The following HOXD3 variants were observed in gnomAD, a reference collection of about 807,000 sequenced individuals.
The protein encoded by HOXD3 is homeobox D3.
In HOXD3, 13 loss-of-function variants were observed where a neutral mutation model predicts 32.8. That is an observed-to-expected ratio of 0.40 (90% CI 0.26 to 0.63). HOXD3 has a LOEUF of 0.63. HOXD3 is among the 20% of genes least tolerant of loss of function. The probability of loss-of-function intolerance (pLI) is 0.44; values close to 1 mark genes in which losing one functional copy is unlikely to be tolerated. For synonymous variants in HOXD3, 241 were observed against 246.8 expected (o/e 0.98, Z 0.22); for missense variants, 504 against 577.1 (o/e 0.87, Z 1.30).
At chr2:176,153,137 G>T (rs540913179), upstream of HOXD3, 48 of 516,726 alleles carry the variant, frequency 9.3e-5, no homozygotes, top group African/African-American at 3.1e-4. Flanking sequence ...GGGATGGGAG[G>T]GGGGGCGGGA....
chr2:176,171,341 G>A (rs1054802908), intron 3 of HOXD3, among the ~76,000 whole-genome samples, 176 bp from the exon 4 acceptor site: 2 of 152,214 alleles, frequency 1.3e-5, no homozygotes, highest in Non-Finnish European at 2.9e-5. Flanking sequence ...TAGGGGGTTG[G>A]TAGGTAGGTG....
At chr2:176,162,136 G>GAGCA (rs1690828389) in intron 1 of HOXD3, among the ~76,000 whole-genome samples, 1 of 152,244 alleles carries the variant, frequency 6.6e-6, no homozygotes, top group African/African-American at 2.4e-5. Flanking sequence ...CATCATAAGA[G>GAGCA]AGCAGTAAAG....
upstream of HOXD3, chr2:176,153,117 GAGC>G: frequency 7.4e-6 from 3 of 404,340 alleles, no homozygotes; most frequent in East Asian, 5.5e-5. Context: ...CCCCTCCCTA[GAGC>G]GGGATGGGGA....
At position 176,172,396 on chromosome 2, in the gene HOXD3, C is replaced by G. The variant is rs1051902306; in HGVS notation, c.*122C>G. Reference sequence around the variant, plus strand: ...CCCCGCTCTTGCCCTGCCGCCGCCTCCCGGGTCTCAGGCCTCCAGCGGCGG... The same window carrying G: ...CCCCGCTCTTGCCCTGCCGCCGCCTGCCGGGTCTCAGGCCTCCAGCGGCGG... On this transcript the variant is annotated 3_prime_UTR_variant, in exon 4 of 4. Transcript: ENST00000683222. The G allele has an allele frequency of 4.5e-5, 46 of 1,031,516 alleles. No homozygotes were observed. The highest frequency in any genetic ancestry group is 5.6e-5 in the Non-Finnish European group (41 of 734,542). 63.9% of individuals were successfully genotyped at this position (1,031,516 alleles called of 1,614,324 possible).
intron 1 of HOXD3, among the ~76,000 whole-genome samples, chr2:176,162,304 A>G (rs1690834042): frequency 6.6e-6 from 1 of 152,220 alleles, no homozygotes; most frequent in African/African-American, 2.4e-5. Context: ...GCATTCACTT[A>G]TAACTTCCCC....
intron 2 of HOXD3, among the ~76,000 whole-genome samples, chr2:176,168,565 C>CTAAAACAAAA (rs1691063410): frequency 2.2e-5 from 1 of 45,240 alleles, no homozygotes; most frequent in African/African-American, 2.0e-4. Context: ...AAAATTCCAT[C>CTAAAACAAAA]TAAAACAAAA....
At chr2:176,155,366 C>T (rs1690622480), upstream of HOXD3, among the ~76,000 whole-genome samples, 1 of 152,222 alleles carries the variant, frequency 6.6e-6, no homozygotes, top group Non-Finnish European at 1.5e-5. Flanking sequence ...ATCCCTGCCC[C>T]AGAGGAAAGC....
intron 3 of HOXD3, among the ~76,000 whole-genome samples, chr2:176,170,161 T>C (rs1487884802): frequency 6.6e-6 from 1 of 152,194 alleles, no homozygotes; most frequent in Admixed American, 6.5e-5. Context: ...ACATCCCCAT[T>C]TTACAGATAA....
At chr2:176,171,406 T>G in intron 3 of HOXD3, 111 bp from the exon 4 acceptor site, 4 of 1,002,752 alleles carry the variant, frequency 4.0e-6, no homozygotes, top group Non-Finnish European at 5.7e-6. Context: ...CCAGCCAGGA[T>G]TGGAGGTGGG....
At chr2:176,162,025 C>A (rs755060757) in intron 1 of HOXD3, among the ~76,000 whole-genome samples, 1 of 152,206 alleles carries the variant, frequency 6.6e-6, no homozygotes, top group African/African-American at 2.4e-5. Context: ...CAGACCCAAC[C>A]GGACCTTTAT....
At chr2:176,168,952 G>C in intron 2 of HOXD3, 79 bp from the exon 3 acceptor site, 1 of 1,106,788 alleles carries the variant, frequency 9.0e-7, no homozygotes, top group Non-Finnish European at 1.2e-6. Context: ...AGGAAGCAGA[G>C]AGCATGGGCT....
intron 2 of HOXD3, among the ~76,000 whole-genome samples, chr2:176,167,660 A>G (rs1293779872): frequency 7.7e-6 from 1 of 130,370 alleles, no homozygotes; most frequent in African/African-American, 2.7e-5. Flanking sequence ...AGATGCTGTG[A>G]TTTTGAAACC....
rs143525922 is a variant in HOXD3 at position 176,169,288 on chromosome 2, C to T, written c.174C>T (p.Ser58=). The change falls in exon 3 of 4, where the codon TCC becomes TCT. Residue 58 remains serine (S), a synonymous_variant. Coordinates refer to ENST00000683222, the MANE Select transcript of HOXD3 (RefSeq NM_006898.5). ...QPYPPPAAAS[S]LDTDYPGSAC... ...ACCCACCCCCTGCTGCTGCCAGCTC[C>T]CTGGACACTGACTATCCAGGTTCTG... The T allele has an allele frequency of 2.5e-6, 4 of 1,614,144 alleles. No homozygotes were observed. The highest frequency in any genetic ancestry group is 1.3e-5 in the African/African-American group (1 of 75,036).
intron 3 of HOXD3, among the ~76,000 whole-genome samples, chr2:176,169,976 A>G (rs1237396235): frequency 6.6e-6 from 1 of 152,104 alleles, no homozygotes; most frequent in East Asian, 1.9e-4. Context: ...GCTCTTCAAG[A>G]TTTGAAGATA....
intron 1 of HOXD3, among the ~76,000 whole-genome samples, chr2:176,158,596 G>T (rs1690701962): frequency 6.6e-6 from 1 of 152,198 alleles, no homozygotes; most frequent in Admixed American, 6.5e-5. Context: ...GTGTTTGTGT[G>T]TGTGTGTGTT....
chr2:176,160,272 T>A (rs1166345342), intron 1 of HOXD3, among the ~76,000 whole-genome samples: 1 of 152,138 alleles, frequency 6.6e-6, no homozygotes, highest in Non-Finnish European at 1.5e-5. Context: ...CACGGCAGTC[T>A]CCAGAGACGC....
Position 176,169,335 on chromosome 2 carries a change from C to A in HOXD3, c.221C>A (p.Ala74Asp). Residue 74 changes from alanine (A) to aspartate (D), a missense_variant, in exon 3 of 4, where the codon GCC becomes GAC. Physicochemically the swap from Ala to Asp is moderately radical, Grantham distance 126. Around this residue, in one of 3 missense-constraint regions of HOXD3, gnomAD observed 181 missense variants for 172.2 expected, o/e 1.05. Coordinates refer to ENST00000683222, the MANE Select transcript of HOXD3 (RefSeq NM_006898.5). ...PGSACSIQSS[A>D]PLRAPAHKGA... ...TCTGCCTGCTCCATCCAGAGCTCTG[C>A]CCCTCTGAGAGCCCCAGCCCACAAA... 1.2e-6 allele frequency: 2 copies of A among 1,614,090 alleles called. No individual in the cohort carries two copies. The highest frequency in any genetic ancestry group is 1.7e-6 in the Non-Finnish European group (2 of 1,180,004).
Position 176,164,446 on chromosome 2 carries a change from C to T in HOXD3, c.-85+278C>T, listed in dbSNP as rs556748992. The T allele has an allele frequency of 6.6e-5, 10 of 152,290 alleles. 1 individual carries two copies. Among genetic ancestry groups the T allele is most frequent in the African/African-American group, 2.4e-4 (10 of 41,536 alleles). 9.4% of individuals were successfully genotyped at this position (152,290 alleles called of 1,614,324 possible). ...GATTTAGAAGGCGCGTCCAGGTCTT[C>T]TTATAGAGCAAAAGAGGCTCAAGCT... On this transcript the variant is annotated intron_variant, in intron 2 of 3. Transcript: ENST00000683222.
chr2:176,170,763 C>T (rs114705158), intron 3 of HOXD3, among the ~76,000 whole-genome samples: 2,264 of 152,160 alleles, frequency 0.015, 24 homozygotes, highest in Middle Eastern at 0.048. Context: ...ATTTGTCTTC[C>T]CTGGGAGGGA....
Sources: allele counts gnomAD v4.1 joint callset (sites outside exome capture counted in the v4.1 genomes callset), GRCh38; gene constraint gnomAD v4.1.1; regional missense constraint gnomAD v4.1.1; transcripts MANE v1.5; gene names NCBI Gene and HGNC (gene_info 2026-07-23, HGNC 2026-07-21).